Variants in SAMSN1 observed in about 807,000 individuals in gnomAD.
The protein encoded by SAMSN1 is SAM domain-containing protein SAMSN-1.
A neutral mutation model predicts 42.0 loss-of-function variants in SAMSN1; 31 were observed. That is an observed-to-expected ratio of 0.74 (90% CI 0.55 to 1.00). The LOEUF (loss-of-function observed/expected upper bound fraction) is 1.00, where lower values mean the gene tolerates loss of function less well. SAMSN1 is among the 50% of genes least tolerant of loss of function. The pLI is 0.00. For missense variants in SAMSN1, 464 were observed against 439.4 expected (o/e 1.06, Z -0.50); for synonymous variants, 178 against 151.9 (o/e 1.17, Z -1.26).
intron 1 of SAMSN1, among the ~76,000 whole-genome samples, chr21:14,532,792 A>C (rs574488857): frequency 1.3e-5 from 2 of 152,278 alleles, no homozygotes; most frequent in Non-Finnish European, 2.9e-5. Flanking sequence ...GTCCTAACAT[A>C]CAAATCAAAC....
chr21:14,644,776 C>T (rs1349941138), intron 1 of SAMSN1, among the ~76,000 whole-genome samples: 1 of 151,982 alleles, frequency 6.6e-6, no homozygotes, highest in Non-Finnish European at 1.5e-5. Flanking sequence ...TGCCCTGGGC[C>T]AGAGGGGAGT....
chr21:14,623,758 G>T (rs553668564), intron 2 of SAMSN1, among the ~76,000 whole-genome samples: 1 of 152,106 alleles, frequency 6.6e-6, no homozygotes, highest in Non-Finnish European at 1.5e-5. Context: ...ATTGAACTCA[G>T]CTCTGCACCA....
intron 3 of SAMSN1, among the ~76,000 whole-genome samples, chr21:14,514,670 A>T (rs7282239): frequency 1.3e-5 from 2 of 151,876 alleles, no homozygotes; most frequent in African/African-American, 4.8e-5. Context: ...TTTTCTTCCT[A>T]TTTTTTATAT....
chr21:14,497,370 G>A (rs554320766), intron 7 of SAMSN1, among the ~76,000 whole-genome samples: 59 of 152,196 alleles, frequency 3.9e-4, no homozygotes, highest in East Asian at 1.4e-3. Flanking sequence ...CAAGATGGGC[G>A]GATCACTTAA....
At chr21:14,620,947 TG>T (rs564796793) in intron 2 of SAMSN1, among the ~76,000 whole-genome samples, 160 of 152,322 alleles carry the variant, frequency 1.1e-3, no homozygotes, top group African/African-American at 3.7e-3. Flanking sequence ...CTTGCAAAAA[TG>T]AAGATTGTTC....
exon 6 of SAMSN1, chr21:14,602,027 T>C (rs1211372603): frequency 5.8e-6 from 4 of 689,116 alleles, no homozygotes; most frequent in Admixed American, 2.2e-5. Context: ...CATTACCTGA[T>C]AGGAAGTTCC....
chr21:14,488,288 C>A (rs1008821847), intron 7 of SAMSN1, among the ~76,000 whole-genome samples: 2 of 152,080 alleles, frequency 1.3e-5, no homozygotes, highest in African/African-American at 4.8e-5. Flanking sequence ...TACCTCAATG[C>A]AAAATTAAAA....
intron 2 of SAMSN1, among the ~76,000 whole-genome samples, chr21:14,554,247 T>G (rs1980686693): frequency 6.6e-6 from 1 of 152,148 alleles, no homozygotes; most frequent in African/African-American, 2.4e-5. Flanking sequence ...CTGCCTAGGT[T>G]CAAATCCTGA....
At chr21:14,578,056 C>T (rs1981564854) in intron 2 of SAMSN1, among the ~76,000 whole-genome samples, 1 of 152,188 alleles carries the variant, frequency 6.6e-6, no homozygotes, top group African/African-American at 2.4e-5. Flanking sequence ...ATGTTCCAAT[C>T]TTACAGACCT....
intron 2 of SAMSN1, among the ~76,000 whole-genome samples, chr21:14,520,047 G>C (rs1243182760): frequency 6.6e-6 from 1 of 152,194 alleles, no homozygotes; most frequent in Non-Finnish European, 1.5e-5. Context: ...TATACTAATA[G>C]TTCCTATGTT....
chr21:14,492,833 A>C (rs1339874315), intron 7 of SAMSN1, among the ~76,000 whole-genome samples: 1 of 152,230 alleles, frequency 6.6e-6, no homozygotes, highest in Non-Finnish European at 1.5e-5. Flanking sequence ...ATAGATATTA[A>C]ATACATACAA....
intron 7 of SAMSN1, among the ~76,000 whole-genome samples, chr21:14,494,739 A>G (rs1986842683): frequency 6.6e-6 from 1 of 151,858 alleles, no homozygotes; most frequent in African/African-American, 2.4e-5. Flanking sequence ...TCCAGTTTAC[A>G]TTTTCAAGGT....
intron 1 of SAMSN1, among the ~76,000 whole-genome samples, chr21:14,530,187 G>C (rs960467065): frequency 6.6e-5 from 10 of 151,736 alleles, no homozygotes; most frequent in Non-Finnish European, 1.2e-4. Context: ...CGTGGTGGCG[G>C]GTGCCTGTAG....
chr21:14,607,754 CATACAT>C (rs1228334119), intron 5 of SAMSN1, among the ~76,000 whole-genome samples: 1 of 152,058 alleles, frequency 6.6e-6, no homozygotes, highest in Non-Finnish European at 1.5e-5. Context: ...AAAACAAAAA[CATACAT>C]AAGAGAAAGG....
intron 4 of SAMSN1, among the ~76,000 whole-genome samples, chr21:14,612,209 G>A (rs568354658): frequency 1.3e-5 from 2 of 152,258 alleles, no homozygotes; most frequent in Admixed American, 6.5e-5. Context: ...TTTCCAGCCC[G>A]GCAACAGAGT....
At chr21:14,545,234 T>C (rs1980311158) in intron 1 of SAMSN1, among the ~76,000 whole-genome samples, 1 of 152,142 alleles carries the variant, frequency 6.6e-6, no homozygotes, top group Non-Finnish European at 1.5e-5. Flanking sequence ...TTTCAAAATA[T>C]TGACCATTGT....
Position 14,500,559 on chromosome 21 carries a change from CAG to C in SAMSN1, c.736_737del (p.Leu246AlafsTer22). On this transcript the variant is annotated frameshift_variant, in exon 6 of 8. Transcript: ENST00000400566. LOFTEE classifies it high-confidence loss of function. Reference sequence around the variant, plus strand: ...GATGAATCCTCTCTAGGAACTCCTGCAGAGTCTTGGATTTTTTGCTGTTACTC... The same window carrying C: ...GATGAATCCTCTCTAGGAACTCCTGCAGTCTTGGATTTTTTGCTGTTACTC... ...RRSNSKKSKTLQEFLERIHLQ... is the reference protein window; with the variant it reads ...RRSNSKKSKTXQEFLERIHLQ... 2 of 1,614,114 alleles carry C rather than the reference CAG, an allele frequency of 1.2e-6. No individual in the cohort carries two copies. The highest frequency in any genetic ancestry group is 1.7e-6 in the Non-Finnish European group (2 of 1,179,994).
chr21:14,517,828 A>T (rs1255711360), intron 2 of SAMSN1, among the ~76,000 whole-genome samples: 1 of 152,088 alleles, frequency 6.6e-6, no homozygotes, highest in Non-Finnish European at 1.5e-5. Context: ...TGTGATATAT[A>T]TTACATTATA....
chr21:14,492,769 A>G (rs528767120), intron 7 of SAMSN1, among the ~76,000 whole-genome samples: 1 of 152,348 alleles, frequency 6.6e-6, no homozygotes, highest in South Asian at 2.1e-4. Context: ...TTGGAGGTAA[A>G]ATTAAAAAGA....
Sources: gnomAD v4.1 joint callset for allele counts (sites outside exome capture counted in the v4.1 genomes callset) on GRCh38, gnomAD v4.1.1 for gene constraint, MANE v1.5 for transcripts, NCBI Gene and HGNC (gene_info 2026-07-23, HGNC 2026-07-21) for gene names.